The following DYSF variants were observed in gnomAD, a reference collection of about 807,000 sequenced individuals.
DYSF encodes the protein dystrophy-associated fer-1-like 1.
Under a neutral mutation model 274.9 loss-of-function variants are expected in DYSF, and 212 were observed. The observed-to-expected ratio is 0.77, with a 90% confidence interval of 0.69 to 0.86. The LOEUF is 0.86. Ranked by LOEUF, DYSF falls within the 40% of genes least tolerant of loss-of-function variation. DYSF has a pLI of 0.00. For missense variants in DYSF, 2,666 were observed against 2,783.2 expected (o/e 0.96, Z 0.95); for synonymous variants, 1,091 against 1,078.7 (o/e 1.01, Z -0.22).
upstream of DYSF, among the ~76,000 whole-genome samples, chr2:71,462,068 T>A (rs904409455): frequency 3.3e-5 from 5 of 152,300 alleles, no homozygotes; most frequent in African/African-American, 1.2e-4. Context: ...CACCTTTGCC[T>A]GAATTTTGCT....
At chr2:71,516,091 C>A in intron 8 of DYSF, 89 bp from the exon 9 acceptor site, 1 of 1,276,870 alleles carries the variant, frequency 7.8e-7, no homozygotes, top group Non-Finnish European at 1.1e-6. Flanking sequence ...AACTGCTAGG[C>A]GTGGAGGCTT....
rs1372187302 is a variant in DYSF at position 71,598,605 on chromosome 2, A to AC, written c.3617dup (p.Val1207GlyfsTer8). On this transcript the variant is annotated frameshift_variant, in exon 33 of 56. Transcript: ENST00000410020. LOFTEE classifies it high-confidence loss of function. The stretch of plus-strand genomic sequence containing the variant: ...CTCCTTCCTGCACCAGAGCCAGAAG[A>AC]CGGTGGTGGTGAAGAACACCCTTAA... 1 of 1,614,180 alleles carries AC rather than the reference A, an allele frequency of 6.2e-7. No homozygotes were observed. The highest frequency in any genetic ancestry group is 1.1e-5 in the South Asian group (1 of 91,086).
At chr2:71,461,091 A>G (rs1330357121) in intron 1 of DYSF, among the ~76,000 whole-genome samples, 1 of 152,174 alleles carries the variant, frequency 6.6e-6, no homozygotes, top group Admixed American at 6.5e-5. Flanking sequence ...TGTCCACTAT[A>G]CCAATGCCAG....
chr2:71,641,728 G>C (rs2094489322), intron 41 of DYSF, among the ~76,000 whole-genome samples: 1 of 152,040 alleles, frequency 6.6e-6, no homozygotes, highest in Admixed American at 6.6e-5. Context: ...CTAAGTATCC[G>C]AGGTTTTAGT....
rs1334381592 is a variant in DYSF, at chr2:71,602,937, G to C, written c.3957+132G>C. 3.6e-6 allele frequency: 4 copies of C among 1,096,818 alleles called. No homozygotes were observed. In the East Asian group the frequency reaches 1.0e-4, roughly 27 times the overall value. The allele number at this position is 1,096,818 out of a possible 1,614,324, so 67.9% of individuals were successfully genotyped here. A position where few individuals can be genotyped will look rare whatever the true frequency, so the allele number is the denominator to read the frequency against. Reference sequence around the variant, plus strand: ...CATCTGTCACATGGAGACCTGTCTGGATTTTATTCCCCATGCTGTGTGTGG... The same window carrying C: ...CATCTGTCACATGGAGACCTGTCTGCATTTTATTCCCCATGCTGTGTGTGG... On this transcript the variant is annotated intron_variant, in intron 36 of 55. Transcript: ENST00000410020.
At chr2:71,616,046 C>T (rs977051789) in intron 40 of DYSF, among the ~76,000 whole-genome samples, 1 of 152,188 alleles carries the variant, frequency 6.6e-6, no homozygotes, top group South Asian at 2.1e-4. Flanking sequence ...CTCCCAAAGC[C>T]TTCTTACCAG....
intron 14 of DYSF, among the ~76,000 whole-genome samples, chr2:71,529,783 C>A (rs991016376): frequency 1.6e-4 from 25 of 152,242 alleles, no homozygotes; most frequent in African/African-American, 6.0e-4. Flanking sequence ...GTTGGGACTG[C>A]AAAGTGGTGA....
chr2:71,546,214 C>T (rs1033456847), intron 17 of DYSF, among the ~76,000 whole-genome samples: 14 of 152,216 alleles, frequency 9.2e-5, no homozygotes, highest in Non-Finnish European at 1.6e-4. Context: ...CAGAACGCGT[C>T]GCTCCAACTT....
intron 32 of DYSF, among the ~76,000 whole-genome samples, chr2:71,593,788 C>T (rs2093337783): frequency 1.3e-5 from 2 of 152,288 alleles, no homozygotes; most frequent in South Asian, 4.1e-4. Context: ...GACCCTCAGG[C>T]AGCTCTATCA....
chr2:71,470,335 A>T (rs1285318503), intron 1 of DYSF, among the ~76,000 whole-genome samples: 1 of 152,030 alleles, frequency 6.6e-6, no homozygotes, highest in Non-Finnish European at 1.5e-5. Flanking sequence ...AAGGCCCCGG[A>T]CTCTCTGAAC....
chr2:71,567,900 C>T (rs1458596610), intron 24 of DYSF, 51 bp from the exon 25 acceptor site: 2 of 1,606,026 alleles, frequency 1.2e-6, no homozygotes, highest in African/African-American at 2.7e-5. Context: ...CTCACTGGGA[C>T]ATCCGGATCC....
At chr2:71,479,547 C>A (rs1027637649) in intron 1 of DYSF, among the ~76,000 whole-genome samples, 1 of 152,230 alleles carries the variant, frequency 6.6e-6, no homozygotes, top group Admixed American at 6.5e-5. Context: ...TCCCAGCCTA[C>A]GGCTCTTCCA....
rs1558800137 is a variant in DYSF at position 71,674,223 on chromosome 2, T to A, written c.5811T>A (p.Thr1937=). Residue 1937 remains threonine, a synonymous_variant, in exon 52 of 56, where the codon ACT becomes ACA. Coordinates refer to ENST00000410020, the MANE Select transcript of DYSF (RefSeq NM_001130987.2). The part of the protein sequence containing the change: ...KKDAFWRLDK[T]ESKIPARVVF... The stretch of plus-strand genomic sequence containing the variant: ...ATGCCTTCTGGAGGCTGGACAAGAC[T>A]GAGAGCAAAATCCCAGCACGAGTGG... The A allele has an allele frequency of 3.1e-6, 5 of 1,614,220 alleles. No individual in the cohort carries two copies. Among genetic ancestry groups the A allele is most frequent in the Non-Finnish European group, 4.2e-6 (5 of 1,180,042 alleles).
intron 17 of DYSF, among the ~76,000 whole-genome samples, chr2:71,550,249 A>G (rs903763923): frequency 3.3e-5 from 5 of 152,260 alleles, no homozygotes; most frequent in Admixed American, 6.5e-5. Flanking sequence ...CATGGCCAGT[A>G]AAGTCCCATC....
intron 29 of DYSF, among the ~76,000 whole-genome samples, chr2:71,571,932 TCA>T (rs1205039385): frequency 9.0e-6 from 1 of 110,540 alleles, no homozygotes; most frequent in African/African-American, 3.6e-5. Flanking sequence ...CATGCACAGA[TCA>T]CACACAGATC....
At chr2:71,466,654 G>A (rs2152642657), upstream of DYSF, 3 of 1,318,114 alleles carry the variant, frequency 2.3e-6, no homozygotes, top group East Asian at 8.9e-5. Flanking sequence ...GGTCCGCCCA[G>A]CGGGTGTCCG....
chr2:71,543,228 G>A (rs1358138840), intron 17 of DYSF, among the ~76,000 whole-genome samples: 4 of 38,378 alleles, frequency 1.0e-4, no homozygotes, highest in African/African-American at 1.7e-4. Context: ...AGACGGGGTC[G>A]CGGCCGGGCA....
chr2:71,463,335 G>A (rs2081362853), upstream of DYSF, among the ~76,000 whole-genome samples: 2 of 152,250 alleles, frequency 1.3e-5, no homozygotes, highest in African/African-American at 4.8e-5. Context: ...AGAGGCCAGA[G>A]ATGGGGCGAA....
chr2:71,523,639 C>T (rs1204803131), intron 12 of DYSF, among the ~76,000 whole-genome samples: 3 of 151,476 alleles, frequency 2.0e-5, no homozygotes, highest in South Asian at 2.1e-4. Flanking sequence ...CTCCGCCTCC[C>T]GAGTTCAAGT....
Sources: gnomAD v4.1 joint callset for allele counts (sites outside exome capture counted in the v4.1 genomes callset) on GRCh38, gnomAD v4.1.1 for gene constraint, MANE v1.5 for transcripts, NCBI Gene and HGNC (gene_info 2026-07-23, HGNC 2026-07-21) for gene names.